USP29: variants seen among roughly 807,000 people sequenced by gnomAD.
USP29 encodes ubiquitin carboxyl-terminal hydrolase 29.
For synonymous variants in USP29, 386 were observed against 387.4 expected, an observed-to-expected ratio of 1.00 and a Z score of 0.04; for missense variants, 1,102 against 1,069.0, an observed-to-expected ratio of 1.03 and a Z score of -0.43.
rs549046684 is a variant in USP29, at chr19:57,131,732, A to G, written c.*288A>G. ...CAACCAGCAACAGCAACAGCTAGGG[A>G]CTGATTAGAAATGCAAATTCTTGGG... On this transcript the variant is annotated 3_prime_UTR_variant, in exon 4 of 4. Coordinates refer to ENST00000254181, the MANE Select transcript of USP29 (RefSeq NM_020903.3). The G allele has an allele frequency of 2.2e-5, 8 of 356,674 alleles. No homozygotes were observed. In the South Asian group the frequency reaches 3.9e-4, roughly 17 times the overall value. 22.1% of individuals were successfully genotyped at this position (356,674 alleles called of 1,614,324 possible). A position where few individuals can be genotyped will look rare whatever the true frequency, so the allele number is the denominator to read the frequency against.
Position 57,131,632 on chromosome 19 carries a change from C to A in USP29, c.*188C>A. The A allele has an allele frequency of 1.2e-6, 1 of 863,224 alleles. No homozygotes were observed. The highest frequency in any genetic ancestry group is 1.7e-6 in the Non-Finnish European group (1 of 583,174). The allele number at this position is 863,224 out of a possible 1,614,324, so 53.5% of individuals were successfully genotyped here. A position where few individuals can be genotyped will look rare whatever the true frequency, so the allele number is the denominator to read the frequency against. On this transcript the variant is annotated 3_prime_UTR_variant, in exon 4 of 4. Coordinates refer to ENST00000254181, the MANE Select transcript of USP29 (RefSeq NM_020903.3). ...ACACCTAGATCCCAGAACTCAGGCG[C>A]ATATGCATATTTTCCCTGCAAGATT...
At chr19:57,126,398 C>A (rs1373535731) in intron 3 of USP29, among the ~76,000 whole-genome samples, 4 of 152,114 alleles carry the variant, frequency 2.6e-5, no homozygotes, top group Non-Finnish European at 5.9e-5. Context: ...GTATACCAAT[C>A]AATCGTAGGT....
rs1404684761 is a variant in USP29, at chr19:57,120,060, G to A, written c.-437G>A. The stretch of plus-strand genomic sequence containing the variant: ...TCCGAGCTGAGATTTCCAGAGCCAT[G>A]GGAGCCGGAAGTCCAAGGAACTGTA... On this transcript the variant is annotated 5_prime_UTR_variant, in exon 1 of 4. It removes an upstream start codon present in the reference 5' UTR. Transcript: ENST00000254181. The A allele has an allele frequency of 1.3e-5, 2 of 152,460 alleles. No individual in the cohort carries two copies. The highest frequency in any genetic ancestry group is 2.9e-5 in the Non-Finnish European group (2 of 68,256). 9.4% of individuals were successfully genotyped at this position (152,460 alleles called of 1,614,324 possible).
At chr19:57,119,495 T>C (rs1029840528), upstream of USP29, among the ~76,000 whole-genome samples, 5 of 152,202 alleles carry the variant, frequency 3.3e-5, no homozygotes, top group African/African-American at 1.2e-4. Flanking sequence ...CCATCTCCGC[T>C]CACTGCAACC....
chr19:57,130,750 A>G lies in USP29; in HGVS notation c.2075A>G (p.Gln692Arg). 1 of 1,614,188 alleles carries G rather than the reference A, an allele frequency of 6.2e-7. No individual in the cohort carries two copies. Among genetic ancestry groups the G allele is most frequent in the Non-Finnish European group, 8.5e-7 (1 of 1,180,044 alleles). The change falls in exon 4 of 4, where the codon CAG becomes CGG. Residue 692 changes from glutamine to arginine, a missense_variant. Gln to Arg is a conservative substitution (Grantham distance 43). Coordinates refer to ENST00000254181, the MANE Select transcript of USP29 (RefSeq NM_020903.3). The part of the protein sequence containing the change: ...LQEVPQHPEL[Q>R]KYEKTNTFVE... ...GAGGTGCCTCAACATCCAGAACTTC[A>G]GAAGTATGAGAAAACCAATACATTC... is the stretch of plus-strand genomic sequence containing the variant.
chr19:57,131,037 G>T lies in USP29; in HGVS notation c.2362G>T (p.Gly788Cys), dbSNP rs148519716. The T allele has an allele frequency of 6.2e-7, 1 of 1,614,094 alleles. No homozygotes were observed. The highest frequency in any genetic ancestry group is 8.5e-7 in the Non-Finnish European group (1 of 1,180,014). ...KADLNHLGAL[G>C]SDNPGNKNIL... ...TGACCTGAATCACCTTGGGGCACTG[G>T]GTTCTGACAACCCAGGAAACAAAAA... Residue 788 changes from glycine to cysteine, a missense_variant, in exon 4 of 4, where the codon GGT (glycine) becomes TGT (cysteine). Transcript: ENST00000254181.
Position 57,129,953 on chromosome 19 carries a change from T to C in USP29, c.1278T>C (p.Ala426=). ...AAGTGTTTGTTTGCCCTGTTGTTGC[T>C]AATTTTGAGTTTGAATTGCAGCTCT... ...ATKVFVCPVV[A]NFEFELQLSL... is the part of the protein sequence containing the mutation. The change falls in exon 4 of 4, where the codon GCT becomes GCC. Residue 426 remains alanine, a synonymous_variant. Coordinates refer to ENST00000254181, the MANE Select transcript of USP29 (RefSeq NM_020903.3). 1 of 1,614,230 alleles carries C rather than the reference T, an allele frequency of 6.2e-7. No homozygotes were observed. The highest frequency in any genetic ancestry group is 8.5e-7 in the Non-Finnish European group (1 of 1,180,050).
intron 1 of USP29, among the ~76,000 whole-genome samples, chr19:57,121,668 ATACTTACATATGTTATATG>A (rs1167820172): frequency 1.4e-5 from 2 of 147,310 alleles, no homozygotes; most frequent in East Asian, 1.9e-4. Context: ...TATGTTATAT[ATACTTACATATGTTATATG>A]TACTTACATA....
In USP29 at chr19:57,130,110, G is replaced by T; in HGVS notation, c.1435G>T (p.Glu479Ter). ...IQNSLDLFFK[E>*]EELEYNCQMC... is the part of the protein sequence containing the mutation. Reference sequence around the variant, plus strand: ...GAATTCTTTAGATCTTTTCTTTAAAGAAGAAGAGCTTGAATATAACTGTCA... The same window carrying T: ...GAATTCTTTAGATCTTTTCTTTAAATAAGAAGAGCTTGAATATAACTGTCA... The change falls in exon 4 of 4, where the codon GAA becomes TAA. Residue 479 changes from glutamate (E) to a stop codon, truncating the protein, a stop_gained. Transcript: ENST00000254181. LOFTEE classifies it low-confidence loss of function (END_TRUNC). 1 of 1,613,558 alleles carries T rather than the reference G, an allele frequency of 6.2e-7. No individual in the cohort carries two copies.
In USP29 at chr19:57,122,897, G is replaced by A. The variant is rs554307706; in HGVS notation, c.-118+423G>A. ...GTGAGGGTGAAGTTTCCCTAAAGAG[G>A]CAATAATTTATCAGCAGCAACAGGA... is the stretch of plus-strand genomic sequence containing the variant. On this transcript the variant is annotated intron_variant, in intron 2 of 3. Transcript: ENST00000254181. 2.0e-5 allele frequency among the ~76,000 whole-genome samples: 3 copies of A among 152,138 alleles called. No homozygotes were observed. In the South Asian group the frequency reaches 6.2e-4, roughly 32 times the overall value.
intron 3 of USP29, among the ~76,000 whole-genome samples, chr19:57,124,468 T>G (rs1266520071): frequency 1.3e-4 from 2 of 15,852 alleles, no homozygotes; most frequent in Non-Finnish European, 2.1e-4. Flanking sequence ...TTTTGTGGGG[T>G]TTTTTTTTTG....
At chr19:57,127,909 G>A (rs1242136057) in intron 3 of USP29, among the ~76,000 whole-genome samples, 1 of 152,196 alleles carries the variant, frequency 6.6e-6, no homozygotes, top group African/African-American at 2.4e-5. Context: ...GGCCCTGGTG[G>A]TGTAGGCACA....
At chr19:57,121,533 ACTTATATATG>A (rs1228400505) in intron 1 of USP29, among the ~76,000 whole-genome samples, 1 of 143,784 alleles carries the variant, frequency 7.0e-6, no homozygotes, top group Non-Finnish European at 1.5e-5. Context: ...TGCTATATAT[ACTTATATATG>A]CTATGTATAC....
In USP29 at chr19:57,131,621, G is replaced by T. The variant is rs1293422308; in HGVS notation, c.*177G>T. ...AACTGCTTCAGACACCTAGATCCCA[G>T]AACTCAGGCGCATATGCATATTTTC... On this transcript the variant is annotated 3_prime_UTR_variant, in exon 4 of 4. Coordinates refer to ENST00000254181, the MANE Select transcript of USP29 (RefSeq NM_020903.3). 2.0e-6 allele frequency: 2 copies of T among 985,876 alleles called. No homozygotes were observed. Among genetic ancestry groups the T allele is most frequent in the African/African-American group, 3.3e-5 (2 of 61,338 alleles). The allele number at this position is 985,876 out of a possible 1,614,324, so 61.1% of individuals were successfully genotyped here. A position where few individuals can be genotyped will look rare whatever the true frequency, so the allele number is the denominator to read the frequency against.
intron 2 of USP29, among the ~76,000 whole-genome samples, chr19:57,123,500 G>A (rs1282244947): frequency 3.3e-5 from 5 of 152,192 alleles, no homozygotes; most frequent in African/African-American, 7.2e-5. Flanking sequence ...TTATACGAAA[G>A]TAAGACTCAG....
At position 57,131,418 on chromosome 19, in the gene USP29, G is replaced by T; in HGVS notation, c.2743G>T (p.Gly915Cys). 1.2e-6 allele frequency: 2 copies of T among 1,613,172 alleles called. No homozygotes were observed. Among genetic ancestry groups the T allele is most frequent in the Non-Finnish European group, 8.5e-7 (1 of 1,179,638 alleles). The stretch of plus-strand genomic sequence containing the variant: ...GGTGATCCCTCAGGGGGAATACGAA[G>T]GTGACTCTTTGTACAGACCTGCTTG... Reference protein sequence around the residue: ...AGVIPQGEYEGDSLYRPA With the variant: ...AGVIPQGEYECDSLYRPA The change falls in exon 4 of 4, where the codon GGT (glycine) becomes TGT (cysteine). Residue 915 changes from glycine (G) to cysteine (C), a missense_variant. By Grantham distance (159) the Gly-to-Cys change is radical. Transcript: ENST00000254181.
At chr19:57,126,403 G>A (rs937859761) in intron 3 of USP29, among the ~76,000 whole-genome samples, 6 of 152,032 alleles carry the variant, frequency 3.9e-5, no homozygotes, top group South Asian at 2.1e-4. Flanking sequence ...CCAATCAATC[G>A]TAGGTTTGGT....
intron 2 of USP29, among the ~76,000 whole-genome samples, chr19:57,122,849 C>T (rs878855340): frequency 6.6e-6 from 1 of 152,068 alleles, no homozygotes; most frequent in African/African-American, 2.4e-5. Context: ...TGTGATTCCT[C>T]CTTTCATTAA....
upstream of USP29, among the ~76,000 whole-genome samples, chr19:57,119,748 G>A (rs1324604209): frequency 1.3e-5 from 2 of 152,026 alleles, no homozygotes; most frequent in East Asian, 1.9e-4. Flanking sequence ...AACAATTCCC[G>A]GCGTGGTTTC....
Sources: gnomAD v4.1 joint callset for allele counts (sites outside exome capture counted in the v4.1 genomes callset) on GRCh38, gnomAD v4.1.1 for gene constraint, MANE v1.5 for transcripts, NCBI Gene and HGNC (gene_info 2026-07-23, HGNC 2026-07-21) for gene names.